DYRK1A: variants seen among roughly 807,000 people sequenced by gnomAD.
DYRK1A encodes the protein dual specificity tyrosine-phosphorylation-regulated kinase 1A.
DYRK1A carries 9 observed loss-of-function variants against 79.7 expected under a neutral mutation model. The observed-to-expected ratio is 0.11, with a 90% CI of 0.07 to 0.20. The LOEUF (loss-of-function observed/expected upper bound fraction) is 0.20. DYRK1A is among the 10% of genes least tolerant of loss of function. The probability of loss-of-function intolerance (pLI) is 1.00; values close to 1 mark genes in which losing one functional copy is unlikely to be tolerated. For synonymous variants in DYRK1A, 349 were observed against 329.7 expected, an observed-to-expected ratio of 1.06 and a Z score of -0.63; for missense variants, 622 against 956.0, an observed-to-expected ratio of 0.65 and a Z score of 4.61.
intron 5 of DYRK1A, among the ~76,000 whole-genome samples, chr21:37,483,642 G>T (rs2052740548): frequency 6.6e-6 from 1 of 152,046 alleles, no homozygotes; most frequent in Non-Finnish European, 1.5e-5. Context: ...GAGTGCAGTG[G>T]AGTAGTGATC....
At position 37,526,319 on chromosome 21, in the gene DYRK1A, T is replaced by C. The variant is rs1375936299; in HGVS notation, c.*13788T>C. 5 of 152,126 alleles carry C rather than the reference T, an allele frequency of 3.3e-5. No individual in the cohort carries two copies. Among genetic ancestry groups the C allele is most frequent in the African/African-American group, 4.8e-5 (2 of 41,420 alleles). 9.4% of individuals were successfully genotyped at this position (152,126 alleles called of 1,614,324 possible). On this transcript the variant is annotated 3_prime_UTR_variant, in exon 12 of 12. Transcript: ENST00000647188. ...AGAGTCTAATAGAATCTTATAAAAA[T>C]GTATAAATGTGTTTTATGTAATAAA...
chr21:37,491,500 T>C (rs2062018923), intron 7 of DYRK1A, among the ~76,000 whole-genome samples: 1 of 152,222 alleles, frequency 6.6e-6, no homozygotes, highest in African/African-American at 2.4e-5. Context: ...CGTCCTACTT[T>C]TGTCCAGGTT....
At chr21:37,494,123 C>T (rs904957335) in intron 8 of DYRK1A, among the ~76,000 whole-genome samples, 1 of 151,848 alleles carries the variant, frequency 6.6e-6, no homozygotes, top group African/African-American at 2.4e-5. Context: ...AACTCCTGAC[C>T]TCAAGTGGTC....
chr21:37,437,901 G>C (rs1454474125), intron 2 of DYRK1A, among the ~76,000 whole-genome samples: 1 of 152,142 alleles, frequency 6.6e-6, no homozygotes, highest in Non-Finnish European at 1.5e-5. Context: ...GTGGGTATAT[G>C]CCTAACTTTT....
chr21:37,367,918 C>G (rs1295201763), intron 1 of DYRK1A: 1 of 155,338 alleles, frequency 6.4e-6, no homozygotes, highest in Non-Finnish European at 1.4e-5. Context: ...TCACTGGCCG[C>G]CCGAGCGAAG....
chr21:37,389,019 C>G (rs1353299293), intron 1 of DYRK1A, among the ~76,000 whole-genome samples: 1 of 146,776 alleles, frequency 6.8e-6, no homozygotes, highest in Non-Finnish European at 1.5e-5. Context: ...GTGCAGTGGC[C>G]AAAAAAAAGC....
intron 2 of DYRK1A, among the ~76,000 whole-genome samples, chr21:37,467,460 G>A (rs1206439866): frequency 6.6e-6 from 1 of 152,098 alleles, no homozygotes; most frequent in East Asian, 1.9e-4. Context: ...CAAACTCCTG[G>A]GCTCAAGTGA....
At chr21:37,379,845 G>A (rs773513028) in intron 1 of DYRK1A, among the ~76,000 whole-genome samples, 5 of 152,148 alleles carry the variant, frequency 3.3e-5, no homozygotes, top group Non-Finnish European at 5.9e-5. Flanking sequence ...CTTGTGGAGT[G>A]ATAGAACTAT....
Position 37,512,651 on chromosome 21 carries a change from A to AG in DYRK1A, c.*123dup. The stretch of plus-strand genomic sequence containing the variant: ...GATTAACACACTGAACCGCTACAAG[A>AG]GGGCAAAGCTGATTTTTTTTTTAAC... On this transcript the variant is annotated 3_prime_UTR_variant, in exon 12 of 12. Coordinates refer to ENST00000647188, the MANE Select transcript of DYRK1A (RefSeq NM_001347721.2). The AG allele has an allele frequency of 8.3e-7, 1 of 1,211,244 alleles. No individual in the cohort carries two copies. Among genetic ancestry groups the AG allele is most frequent in the South Asian group, 1.5e-5 (1 of 64,556 alleles). 75.0% of individuals were successfully genotyped at this position (1,211,244 alleles called of 1,614,324 possible). A position where few individuals can be genotyped will look rare whatever the true frequency, so the allele number is the denominator to read the frequency against.
At chr21:37,489,859 A>G (rs2053017572) in intron 6 of DYRK1A, among the ~76,000 whole-genome samples, 1 of 152,170 alleles carries the variant, frequency 6.6e-6, no homozygotes, top group South Asian at 2.1e-4. Context: ...AAATTGCTGA[A>G]ATATTCTCAC....
chr21:37,499,631 A>G (rs2053380197), intron 9 of DYRK1A, among the ~76,000 whole-genome samples: 1 of 152,006 alleles, frequency 6.6e-6, no homozygotes, highest in Non-Finnish European at 1.5e-5. Context: ...GAAGTCTTAC[A>G]TATTTTGTTC....
At chr21:37,448,996 A>G (rs9978472) in intron 2 of DYRK1A, among the ~76,000 whole-genome samples, 45,700 of 151,986 alleles carry the variant, frequency 0.3, 7,002 homozygotes, top group South Asian at 0.37. Context: ...CCATGCGTGG[A>G]CCTAGGAATT....
intron 2 of DYRK1A, among the ~76,000 whole-genome samples, chr21:37,471,303 T>C (rs2052215859): frequency 6.6e-6 from 1 of 151,962 alleles, no homozygotes; most frequent in African/African-American, 2.4e-5. Context: ...ACTGCCAGAG[T>C]GTTGAGTCTC....
chr21:37,395,222 T>G (rs543685272), intron 1 of DYRK1A, among the ~76,000 whole-genome samples: 1 of 152,382 alleles, frequency 6.6e-6, no homozygotes, highest in African/African-American at 2.4e-5. Context: ...CTAGGAAATG[T>G]AGATTCTCAG....
At chr21:37,467,469 G>C (rs1000100833) in intron 2 of DYRK1A, among the ~76,000 whole-genome samples, 4 of 152,208 alleles carry the variant, frequency 2.6e-5, no homozygotes, top group African/African-American at 7.2e-5. Flanking sequence ...GGGCTCAAGT[G>C]ATTTTCCCAC....
intron 1 of DYRK1A, among the ~76,000 whole-genome samples, chr21:37,405,540 G>A (rs1228164919): frequency 1.3e-5 from 2 of 152,020 alleles, no homozygotes; most frequent in East Asian, 3.9e-4. Flanking sequence ...CAGGAGTTTT[G>A]AACTTTCTCA....
intron 6 of DYRK1A, 43 bp downstream of exon 6, chr21:37,486,657 C>A: frequency 7.2e-7 from 1 of 1,392,876 alleles, no homozygotes; most frequent in Non-Finnish European, 9.4e-7. Context: ...CAACCCACAC[C>A]AAAACTTTGA....
At chr21:37,465,088 A>G (rs2051979821) in intron 2 of DYRK1A, among the ~76,000 whole-genome samples, 2 of 152,176 alleles carry the variant, frequency 1.3e-5, no homozygotes. Flanking sequence ...TGGCAAGCAC[A>G]CCTCGTTTAT....
intron 6 of DYRK1A, chr21:37,488,277 A>C: frequency 1.1e-6 from 1 of 928,422 alleles, no homozygotes; most frequent in Non-Finnish European, 1.3e-6. Flanking sequence ...CAAGAAACTG[A>C]GATTCTGTTT....
Sources: allele counts gnomAD v4.1 joint callset (sites outside exome capture counted in the v4.1 genomes callset), GRCh38; gene constraint gnomAD v4.1.1; transcripts MANE v1.5; gene names NCBI Gene and HGNC (gene_info 2026-07-23, HGNC 2026-07-21).